Variants in CORO7 observed in about 807,000 individuals in gnomAD.
CORO7 encodes the protein coronin 7.
Under a neutral mutation model 126.6 loss-of-function variants are expected in CORO7, and 107 were observed. That is an observed-to-expected ratio of 0.85 (90% CI 0.72 to 0.99). CORO7 has a LOEUF of 0.99. CORO7 is among the 50% of genes least tolerant of loss of function. The probability of loss-of-function intolerance (pLI) is 0.00; values close to 1 mark genes in which losing one functional copy is unlikely to be tolerated. For synonymous variants in CORO7, 603 were observed against 536.8 expected, an observed-to-expected ratio of 1.12 and a Z score of -1.70; for missense variants, 1,314 against 1,255.8, an observed-to-expected ratio of 1.05 and a Z score of -0.70.
intron 26 of CORO7, 184 bp downstream of exon 26, chr16:4,356,984 C>G: frequency 2.5e-6 from 2 of 806,334 alleles, no homozygotes; most frequent in Non-Finnish European, 3.9e-6. Context: ...TGCCCTCCCC[C>G]ACTTCCCGGG....
rs774960939 is a variant in CORO7, at chr16:4,358,413, C to T, written c.2411G>A (p.Arg804His). 3.2e-5 allele frequency: 52 copies of T among 1,612,422 alleles called. No individual in the cohort carries two copies. The African/African-American group carries it at 3.5e-4, about 11-fold the overall frequency. The part of the protein sequence containing the change: ...EVELMRCLRL[R>H]QSSLEPVAFR... ...GGCCACAGGCTCCAGGGAGGACTGA[C>T]GCAGCCGCAGGCACCGCATCAGCTC... The change falls in exon 24 of 28, where the codon CGT becomes CAT. Residue 804 changes from arginine (R) to histidine (H), a missense_variant. Transcript: ENST00000251166.
chr16:4,374,921 G>C (rs2054665570), intron 9 of CORO7, among the ~76,000 whole-genome samples: 1 of 152,120 alleles, frequency 6.6e-6, no homozygotes, highest in Non-Finnish European at 1.5e-5. Context: ...GGCCTTACTA[G>C]ATGGGTGCTT....
At chr16:4,361,310 C>T (rs757559072) in intron 17 of CORO7, 51 bp downstream of exon 17, 2 of 1,609,836 alleles carry the variant, frequency 1.2e-6, no homozygotes, top group Admixed American at 1.7e-5. Context: ...TCCCCAGCCC[C>T]TATCCGGGAC....
intron 3 of CORO7, among the ~76,000 whole-genome samples, chr16:4,409,813 G>A (rs1393134031): frequency 1.3e-5 from 2 of 152,206 alleles, no homozygotes; most frequent in African/African-American, 4.8e-5. Context: ...GAGGCTGAAG[G>A]GGCCTCTGAA....
intron 9 of CORO7, 32 bp from the exon 10 acceptor site, chr16:4,365,577 G>A: frequency 6.4e-7 from 1 of 1,561,676 alleles, no homozygotes; most frequent in Non-Finnish European, 8.7e-7. Flanking sequence ...GGCGGGTCAG[G>A]GCAGTGGGAG....
chr16:4,357,072 G>C, intron 26 of CORO7, 96 bp downstream of exon 26: 5 of 1,487,432 alleles, frequency 3.4e-6, no homozygotes, highest in Non-Finnish European at 4.6e-6. Context: ...TGTGGCTGCT[G>C]TCCCAGTCTG....
chr16:4,361,690 G>A, intron 16 of CORO7: 1 of 789,970 alleles, frequency 1.3e-6, no homozygotes, highest in East Asian at 2.7e-5. Flanking sequence ...GAACTGGCGG[G>A]AAAAGCTCCG....
intron 6 of CORO7, among the ~76,000 whole-genome samples, chr16:4,396,391 G>C (rs1288469388): frequency 1.3e-5 from 2 of 152,166 alleles, no homozygotes; most frequent in African/African-American, 4.8e-5. Context: ...AATAAATTAA[G>C]TGCAAAAAGG....
chr16:4,365,587 G>A (rs1173114168), intron 9 of CORO7, 42 bp from the exon 10 acceptor site: 2 of 1,556,880 alleles, frequency 1.3e-6, no homozygotes, highest in Non-Finnish European at 8.7e-7. Flanking sequence ...GGCAGTGGGA[G>A]GGCTGCCAGA....
rs939781381 is a variant in CORO7 at position 4,387,878 on chromosome 16, A to T, written c.785+108T>A. ...TTGCAGCCCAGATCAGGTACCCCAGAACACCCCGGAGATCAGCCCGCCTCA... is the reference window on the plus strand; with the variant it reads ...TTGCAGCCCAGATCAGGTACCCCAGTACACCCCGGAGATCAGCCCGCCTCA... On this transcript the variant is annotated intron_variant, in intron 9 of 27. Coordinates refer to ENST00000251166, the MANE Select transcript of CORO7 (RefSeq NM_024535.5). 10 of 1,412,436 alleles carry T rather than the reference A, an allele frequency of 7.1e-6. No individual in the cohort carries two copies. In the African/African-American group the frequency reaches 1.1e-4, roughly 16 times the overall value. 87.5% of individuals were successfully genotyped at this position (1,412,436 alleles called of 1,614,324 possible). A position where few individuals can be genotyped will look rare whatever the true frequency, so the allele number is the denominator to read the frequency against.
intron 9 of CORO7, among the ~76,000 whole-genome samples, chr16:4,377,668 G>T (rs1403744572): frequency 6.6e-6 from 1 of 152,208 alleles, no homozygotes; most frequent in Non-Finnish European, 1.5e-5. Flanking sequence ...GGGGCTGGCT[G>T]ATGGGTTCTC....
rs148065861 is a variant in CORO7 at position 4,357,210 on chromosome 16, C to A, written c.2643G>T (p.Ala881=). Residue 881 remains alanine, a synonymous_variant, in exon 26 of 28, where the codon GCG becomes GCT. Transcript: ENST00000251166. Reference sequence around the variant, plus strand: ...GGTCAGACTTTTCTTCCAGGTACTGCGCTGAGGATGGGGCCCGACGAGCAG... The same window carrying A: ...GGTCAGACTTTTCTTCCAGGTACTGAGCTGAGGATGGGGCCCGACGAGCAG... The part of the protein sequence containing the change: ...EAPARRAPSS[A]QYLEEKSDQQ... 1.2e-6 allele frequency: 2 copies of A among 1,613,750 alleles called. No homozygotes were observed. Among genetic ancestry groups the A allele is most frequent in the Non-Finnish European group, 8.5e-7 (1 of 1,180,022 alleles).
At chr16:4,365,367 A>G (rs2054316006) in intron 10 of CORO7, 124 bp downstream of exon 10, 3 of 1,395,040 alleles carry the variant, frequency 2.2e-6, no homozygotes, top group Non-Finnish European at 2.9e-6. Context: ...GGAGAGCTAC[A>G]GTCACCTTGG....
intron 9 of CORO7, among the ~76,000 whole-genome samples, chr16:4,372,453 C>T (rs1401982702): frequency 6.6e-6 from 1 of 152,240 alleles, no homozygotes; most frequent in Admixed American, 6.5e-5. Context: ...CAAAGCACAG[C>T]TGGGGGCTAC....
At chr16:4,392,446 T>C (rs1596319967) in intron 7 of CORO7, among the ~76,000 whole-genome samples, 1 of 152,278 alleles carries the variant, frequency 6.6e-6, no homozygotes, top group Non-Finnish European at 1.5e-5. Context: ...GAACCAAGCA[T>C]GGGTGTGAGG....
At chr16:4,415,850 A>T in intron 1 of CORO7, 1 of 985,576 alleles carries the variant, frequency 1.0e-6, no homozygotes, top group Non-Finnish European at 1.2e-6. Flanking sequence ...CCACCTGCTC[A>T]GGCTTCCCCA....
At chr16:4,398,357 A>G (rs913834041) in intron 6 of CORO7, among the ~76,000 whole-genome samples, 2 of 152,218 alleles carry the variant, frequency 1.3e-5, no homozygotes, top group Non-Finnish European at 2.9e-5. Context: ...GATGCCTATT[A>G]CATTTTTAAA....
chr16:4,375,103 C>A (rs1170365067), intron 9 of CORO7, among the ~76,000 whole-genome samples: 1 of 152,196 alleles, frequency 6.6e-6, no homozygotes, highest in Non-Finnish European at 1.5e-5. Context: ...GGTTGCACCT[C>A]TTGTGACTAC....
In CORO7 at chr16:4,364,414, C is replaced by G. The variant is rs186225224; in HGVS notation, c.1138-1G>C. ...CGGGGTTGAGGCTGACCTTCTGCAC[C>G]TGCATGGAGGCCGGCAGTGGGGAGA... is the stretch of plus-strand genomic sequence containing the variant. On this transcript the variant is annotated splice_acceptor_variant, in intron 13 of 27. Transcript: ENST00000251166. LOFTEE classifies it high-confidence loss of function. 306 of 1,502,632 alleles carry G rather than the reference C, an allele frequency of 2.0e-4. No homozygotes were observed. The African/African-American group carries it at 3.8e-3, about 19-fold the overall frequency. The allele number at this position is 1,502,632 out of a possible 1,614,324, so 93.1% of individuals were successfully genotyped here.
Sources: gnomAD v4.1 joint callset for allele counts (sites outside exome capture counted in the v4.1 genomes callset) on GRCh38, gnomAD v4.1.1 for gene constraint, MANE v1.5 for transcripts, NCBI Gene and HGNC (gene_info 2026-07-23, HGNC 2026-07-21) for gene names.